Variants in KLF10 observed in about 807,000 individuals in gnomAD.
KLF10 encodes Krueppel-like factor 10.
Under a neutral mutation model 31.6 loss-of-function variants are expected in KLF10, and 17 were observed. The ratio of observed to expected loss-of-function variants is 0.54; its 90% CI spans 0.37 to 0.81. KLF10 has a LOEUF of 0.81. KLF10 is among the 30% of genes least tolerant of loss of function. KLF10 has a pLI of 0.00. For synonymous variants in KLF10, 239 were observed against 215.1 expected (o/e 1.11, Z -0.97); for missense variants, 525 against 598.1 (o/e 0.88, Z 1.27).
rs1052877831 is a variant in KLF10 at position 102,650,090 on chromosome 8, G to A, written c.*42C>T. 1.3e-5 allele frequency: 21 copies of A among 1,602,988 alleles called. No individual in the cohort carries two copies. The highest frequency in any genetic ancestry group is 2.7e-5 in the African/African-American group (2 of 74,906). Reference sequence around the variant, plus strand: ...CATTTTTACATCACCACTGGCTCCCGCTGAGACCAAAGTTAGTTCTGACTC... The same window carrying A: ...CATTTTTACATCACCACTGGCTCCCACTGAGACCAAAGTTAGTTCTGACTC... On this transcript the variant is annotated 3_prime_UTR_variant, in exon 4 of 4. Coordinates refer to ENST00000285407, the MANE Select transcript of KLF10 (RefSeq NM_005655.4).
Position 102,650,362 on chromosome 8 carries a change from C to G in KLF10, c.1213G>C (p.Gly405Arg). Residue 405 changes from glycine (G) to arginine (R), a missense_variant, in exon 4 of 4, where the codon GGT (glycine) becomes CGT (arginine). Gly to Arg is a moderately radical substitution (Grantham distance 125). Around this residue, in one of 3 missense-constraint regions of KLF10, gnomAD observed 49 missense variants for 105.0 expected, o/e 0.47. Transcript: ENST00000285407. ...GEKPFSCSWKGCERRFARSDE... is the reference protein window; with the variant it reads ...GEKPFSCSWKRCERRFARSDE... ...GAACGGGCAAACCTCCTTTCACAACCTTTCCAGCTACAGCTGAAAGGCTTT... is the reference window on the plus strand; with the variant it reads ...GAACGGGCAAACCTCCTTTCACAACGTTTCCAGCTACAGCTGAAAGGCTTT... The G allele has an allele frequency of 6.2e-7, 1 of 1,614,078 alleles. No homozygotes were observed. Among genetic ancestry groups the G allele is most frequent in the Non-Finnish European group, 8.5e-7 (1 of 1,179,910 alleles).
intron 1 of KLF10, among the ~76,000 whole-genome samples, chr8:102,655,026 G>T (rs1010520579): frequency 1.3e-5 from 2 of 151,604 alleles, no homozygotes; most frequent in African/African-American, 2.4e-5. Flanking sequence ...TCTTCCAAGC[G>T]TGGGTTCAGA....
chr8:102,651,560 A>C lies in KLF10; in HGVS notation c.772T>G (p.Ser258Ala), dbSNP rs1038690955. 7.4e-6 allele frequency: 12 copies of C among 1,614,032 alleles called. No individual in the cohort carries two copies. The highest frequency in any genetic ancestry group is 1.0e-5 in the Non-Finnish European group (12 of 1,180,012). The change falls in exon 3 of 4, where the codon TCT becomes GCT. Residue 258 changes from serine (S) to alanine (A), a missense_variant. Around this residue, in one of 3 missense-constraint regions of KLF10, gnomAD observed 434 missense variants for 450.7 expected, o/e 0.96. Coordinates refer to ENST00000285407, the MANE Select transcript of KLF10 (RefSeq NM_005655.4). Reference protein sequence around the residue: ...VSPQQKSVLVSPPAVSAGGVP... With the variant: ...VSPQQKSVLVAPPAVSAGGVP... ...CCCCCTGCAGATACTGCAGGTGGAGAGACCAACACTGACTTCTGTTGTGGG... is the reference window on the plus strand; with the variant it reads ...CCCCCTGCAGATACTGCAGGTGGAGCGACCAACACTGACTTCTGTTGTGGG...
Position 102,650,171 on chromosome 8 carries a change from A to G in KLF10, c.1404T>C (p.Asn468=). Residue 468 remains asparagine (N), a synonymous_variant, in exon 4 of 4, where the codon AAT becomes AAC. Transcript: ENST00000285407. ...PNWQMEVSKL[N]DIALPPTPAP... ...CAGGGGTTGGAGGTAGAGCAATGTC[A>G]TTTAGCTTGCTCACTTCCATCTGCC... 6.2e-7 allele frequency: 1 copy of G among 1,614,230 alleles called. No homozygotes were observed. Among genetic ancestry groups the G allele is most frequent in the African/African-American group, 1.3e-5 (1 of 75,070 alleles).
chr8:102,652,992 G>T (rs1056610294), intron 1 of KLF10, among the ~76,000 whole-genome samples: 1 of 152,136 alleles, frequency 6.6e-6, no homozygotes, highest in Non-Finnish European at 1.5e-5. Context: ...CTGACCTTTG[G>T]AAAGTCACTT....
At position 102,651,135 on chromosome 8, in the gene KLF10, G is replaced by C. The variant is rs1034549109; in HGVS notation, c.1183+14C>G. On this transcript the variant is annotated intron_variant, in intron 3 of 3. Coordinates refer to ENST00000285407, the MANE Select transcript of KLF10 (RefSeq NM_005655.4). ...CTTCATTTAAACACTAAAGATATAAGAAGTGGCTGGTACCTGTGTGCGTCC... is the reference window on the plus strand; with the variant it reads ...CTTCATTTAAACACTAAAGATATAACAAGTGGCTGGTACCTGTGTGCGTCC... The C allele has an allele frequency of 6.7e-7, 1 of 1,494,838 alleles. No individual in the cohort carries two copies. The highest frequency in any genetic ancestry group is 2.4e-5 in the Admixed American group (1 of 41,478). The allele number at this position is 1,494,838 out of a possible 1,614,324, so 92.6% of individuals were successfully genotyped here. A position where few individuals can be genotyped will look rare whatever the true frequency, so the allele number is the denominator to read the frequency against.
In KLF10 at chr8:102,651,328, C is replaced by T; in HGVS notation, c.1004G>A (p.Ser335Asn). Residue 335 changes from serine (S) to asparagine (N), a missense_variant, in exon 3 of 4, where the codon AGC becomes AAC. Coordinates refer to ENST00000285407, the MANE Select transcript of KLF10 (RefSeq NM_005655.4). ...VVQSSKPPVV[S>N]PNGTRLSPIA... ...GGGAGAGAGTCTGGTGCCATTCGGG[C>T]TCACCACCGGAGGCTTTGAACTCTG... 1 of 1,597,444 alleles carries T rather than the reference C, an allele frequency of 6.3e-7. No homozygotes were observed. Among genetic ancestry groups the T allele is most frequent in the Non-Finnish European group, 8.5e-7 (1 of 1,172,292 alleles).
chr8:102,654,211 C>A (rs1827300894), intron 1 of KLF10: 1 of 147,872 alleles, frequency 6.8e-6, no homozygotes, highest in Non-Finnish European at 1.5e-5. Context: ...CCTGAGCTTG[C>A]GGGCCCCCGC....
At chr8:102,650,447 T>C (rs1827178906) in intron 3 of KLF10, 56 bp from the exon 4 acceptor site, 2 of 1,522,396 alleles carry the variant, frequency 1.3e-6, no homozygotes, top group Non-Finnish European at 9.0e-7. Flanking sequence ...AAATTATATG[T>C]TCAATTCTGT....
At chr8:102,655,429 C>G in intron 1 of KLF10, 137 bp downstream of exon 1, 1 of 1,090,094 alleles carries the variant, frequency 9.2e-7, no homozygotes, top group Non-Finnish European at 1.4e-6. Flanking sequence ...AGGCAGGAAG[C>G]CCTTTCCTTC....
chr8:102,650,586 C>T lies in KLF10; in HGVS notation c.1184-195G>A, dbSNP rs189367502. The stretch of plus-strand genomic sequence containing the variant: ...ATCACATTTACAAAACTCTTCCCCA[C>T]ATGAAATAAGGCAGCCGGGTGGAGT... On this transcript the variant is annotated intron_variant, in intron 3 of 3. Coordinates refer to ENST00000285407, the MANE Select transcript of KLF10 (RefSeq NM_005655.4). 4.6e-5 allele frequency among the ~76,000 whole-genome samples: 7 copies of T among 152,324 alleles called. No homozygotes were observed. In the East Asian group the frequency reaches 1.4e-3, roughly 29 times the overall value.
intron 1 of KLF10, among the ~76,000 whole-genome samples, chr8:102,655,355 A>G (rs1827339249): frequency 6.6e-6 from 1 of 151,846 alleles, no homozygotes; most frequent in Non-Finnish European, 1.5e-5. Flanking sequence ...CTGTCTGAAG[A>G]TCCCAGCCCC....
intron 1 of KLF10, among the ~76,000 whole-genome samples, chr8:102,654,946 G>A (rs1359680949): frequency 6.6e-6 from 1 of 151,836 alleles, no homozygotes; most frequent in Non-Finnish European, 1.5e-5. Flanking sequence ...GCGGGCCCTC[G>A]TGTCATCCCC....
At position 102,655,654 on chromosome 8, in the gene KLF10, T is replaced by A; in HGVS notation, c.-53A>T. On this transcript the variant is annotated 5_prime_UTR_variant, in exon 1 of 4. Coordinates refer to ENST00000285407, the MANE Select transcript of KLF10 (RefSeq NM_005655.4). ...GCTGACTGGCTGCTAGGCTGCTGGC[T>A]GCTTGGCCACAGACGGGCGCACGGA... is the stretch of plus-strand genomic sequence containing the variant. The A allele has an allele frequency of 6.2e-7, 1 of 1,606,524 alleles. No individual in the cohort carries two copies. Among genetic ancestry groups the A allele is most frequent in the Non-Finnish European group, 8.5e-7 (1 of 1,175,668 alleles).
chr8:102,650,050 G>C lies in KLF10; in HGVS notation c.*82C>G. ...TTTAAGCCCACGTTGTGGGGCCACA[G>C]ACTTGCAGTGGAAGCATTTTTACAT... On this transcript the variant is annotated 3_prime_UTR_variant, in exon 4 of 4. Coordinates refer to ENST00000285407, the MANE Select transcript of KLF10 (RefSeq NM_005655.4). 6.6e-7 allele frequency: 1 copy of C among 1,520,380 alleles called. No homozygotes were observed. The highest frequency in any genetic ancestry group is 1.3e-5 in the South Asian group (1 of 78,518). The allele number at this position is 1,520,380 out of a possible 1,614,324, so 94.2% of individuals were successfully genotyped here. A position where few individuals can be genotyped will look rare whatever the true frequency, so the allele number is the denominator to read the frequency against.
At position 102,651,493 on chromosome 8, in the gene KLF10, G is replaced by C; in HGVS notation, c.839C>G (p.Pro280Arg). Residue 280 changes from proline to arginine, a missense_variant, in exon 3 of 4, where the codon CCT (proline) becomes CGT (arginine). Pro to Arg is a moderately radical substitution (Grantham distance 103). Transcript: ENST00000285407. ...TGTTGTCACAACAGGGTTGTTGGCAGGAAGGGGAACCATCTGGCAGATGAC... is the reference window on the plus strand; with the variant it reads ...TGTTGTCACAACAGGGTTGTTGGCACGAAGGGGAACCATCTGGCAGATGAC... Reference protein sequence around the residue: ...MPVICQMVPLPANNPVVTTVV... With the variant: ...MPVICQMVPLRANNPVVTTVV... 6.2e-7 allele frequency: 1 copy of C among 1,613,914 alleles called. No homozygotes were observed. The highest frequency in any genetic ancestry group is 1.1e-5 in the South Asian group (1 of 91,070).
chr8:102,650,089 C>T lies in KLF10; in HGVS notation c.*43G>A, dbSNP rs1249826688. ...GCATTTTTACATCACCACTGGCTCC[C>T]GCTGAGACCAAAGTTAGTTCTGACT... On this transcript the variant is annotated 3_prime_UTR_variant, in exon 4 of 4. Coordinates refer to ENST00000285407, the MANE Select transcript of KLF10 (RefSeq NM_005655.4). 6.9e-6 allele frequency: 11 copies of T among 1,601,668 alleles called. No individual in the cohort carries two copies. The highest frequency in any genetic ancestry group is 3.4e-5 in the Admixed American group (2 of 59,374).
In KLF10 at chr8:102,652,053, A is replaced by G; in HGVS notation, c.279T>C (p.Thr93=). ...DFHTIPAFCL[T]PPYSPSDFEP... ...CAAAGTCAGAAGGACTGTAAGGTGG[A>G]GTCAAACACTAAAGAAAAGGGAAAT... Residue 93 remains threonine (T), a synonymous_variant, in exon 3 of 4, where the codon ACT becomes ACC. Coordinates refer to ENST00000285407, the MANE Select transcript of KLF10 (RefSeq NM_005655.4). 1 of 1,588,388 alleles carries G rather than the reference A, an allele frequency of 6.3e-7. No individual in the cohort carries two copies. The highest frequency in any genetic ancestry group is 8.5e-7 in the Non-Finnish European group (1 of 1,170,190).
rs6935 is a variant in KLF10 at position 102,649,114 on chromosome 8, G to A, written c.*1018C>T. ...AACTACCTCCACATCCCCAAAAAACGCCTATAAATTAACAGGACAACATCA... is the reference window on the plus strand; with the variant it reads ...AACTACCTCCACATCCCCAAAAAACACCTATAAATTAACAGGACAACATCA... On this transcript the variant is annotated 3_prime_UTR_variant, in exon 4 of 4. Transcript: ENST00000285407. The A allele has an allele frequency of 4.0e-5, 6 of 149,066 alleles. No homozygotes were observed. Among genetic ancestry groups the A allele is most frequent in the Non-Finnish European group, 7.4e-5 (5 of 67,836 alleles). The allele number at this position is 149,066 out of a possible 1,614,324, so 9.2% of individuals were successfully genotyped here. A position where few individuals can be genotyped will look rare whatever the true frequency, so the allele number is the denominator to read the frequency against.
Sources: allele counts gnomAD v4.1 joint callset (sites outside exome capture counted in the v4.1 genomes callset), GRCh38; gene constraint gnomAD v4.1.1; regional missense constraint gnomAD v4.1.1; transcripts MANE v1.5; gene names NCBI Gene and HGNC (gene_info 2026-07-23, HGNC 2026-07-21).